COP1: variants seen among roughly 807,000 people sequenced by gnomAD.
The protein encoded by COP1 is COP1 E3 ubiquitin ligase.
Under a neutral mutation model 101.3 loss-of-function variants are expected in COP1, and 24 were observed. That is an observed-to-expected ratio of 0.24 (90% CI 0.17 to 0.33). COP1 has a LOEUF of 0.33. COP1 is among the 10% of genes least tolerant of loss of function. The probability of loss-of-function intolerance (pLI) is 1.00; values close to 1 mark genes in which losing one functional copy is unlikely to be tolerated. For missense variants in COP1, 663 were observed against 906.2 expected, an observed-to-expected ratio of 0.73 and a Z score of 3.45; for synonymous variants, 347 against 341.9, an observed-to-expected ratio of 1.01 and a Z score of -0.17.
intron 10 of COP1, among the ~76,000 whole-genome samples, chr1:176,084,736 C>T (rs1357588302): frequency 2.0e-5 from 3 of 152,228 alleles, no homozygotes; most frequent in Admixed American, 6.5e-5. Context: ...TACCACTAAT[C>T]GTGAGGCAAA....
chr1:176,103,108 C>T (rs1683686296), intron 9 of COP1, among the ~76,000 whole-genome samples: 1 of 152,214 alleles, frequency 6.6e-6, no homozygotes, highest in African/African-American at 2.4e-5. Context: ...TCTGTCTAGG[C>T]AGTGGGGGAA....
intron 5 of COP1, among the ~76,000 whole-genome samples, chr1:176,151,353 A>AAAAGAAAGAAAG (rs200187869): frequency 0.014 from 1,640 of 116,042 alleles, 19 homozygotes; most frequent in Non-Finnish European, 0.017. Context: ...GAAAGAAAGA[A>AAAAGAAAGAAAG]AAAGAAAGAA....
chr1:176,166,347 G>A (rs529452651), intron 3 of COP1, among the ~76,000 whole-genome samples: 1 of 152,252 alleles, frequency 6.6e-6, no homozygotes, highest in South Asian at 2.1e-4. Flanking sequence ...GGCTGATCTT[G>A]AACTCTTGGC....
intron 18 of COP1, among the ~76,000 whole-genome samples, chr1:175,978,036 T>C (rs1047737479): frequency 6.6e-6 from 1 of 152,114 alleles, no homozygotes; most frequent in Non-Finnish European, 1.5e-5. Context: ...TTTGGATACT[T>C]TTTAGCATGG....
intron 9 of COP1, among the ~76,000 whole-genome samples, chr1:176,099,613 G>A (rs1012634441): frequency 6.6e-6 from 1 of 151,960 alleles, no homozygotes; most frequent in Non-Finnish European, 1.5e-5. Flanking sequence ...GTTTACATCA[G>A]TGCAATAAGA....
chr1:175,995,011 C>G (rs906792871), intron 15 of COP1, among the ~76,000 whole-genome samples: 1 of 152,150 alleles, frequency 6.6e-6, no homozygotes, highest in Non-Finnish European at 1.5e-5. Flanking sequence ...CTCTCCTCAG[C>G]AAATGCAAAA....
intron 18 of COP1, among the ~76,000 whole-genome samples, chr1:175,970,595 T>A (rs1417540738): frequency 6.6e-6 from 1 of 152,164 alleles, no homozygotes; most frequent in Non-Finnish European, 1.5e-5. Context: ...AAAGGCTAAT[T>A]TTCTAAATAC....
chr1:176,089,634 G>GCTTA (rs1680918901), intron 9 of COP1, among the ~76,000 whole-genome samples: 1 of 152,150 alleles, frequency 6.6e-6, no homozygotes, highest in Admixed American at 6.5e-5. Context: ...GAGGAGGTAA[G>GCTTA]AGTCATATTT....
At chr1:176,056,511 CGTGT>C (rs751446292) in intron 11 of COP1, among the ~76,000 whole-genome samples, 2 of 150,308 alleles carry the variant, frequency 1.3e-5, no homozygotes, top group Admixed American at 6.6e-5. Context: ...TATAATGGGG[CGTGT>C]GTGTGTGTGT....
At chr1:176,042,830 A>G (rs1670860934) in intron 14 of COP1, among the ~76,000 whole-genome samples, 1 of 151,338 alleles carries the variant, frequency 6.6e-6, no homozygotes, top group Non-Finnish European at 1.5e-5. Flanking sequence ...GGAGTTTGAT[A>G]CCAGTCTGGC....
chr1:176,091,828 G>A (rs1681383007), intron 9 of COP1, among the ~76,000 whole-genome samples: 1 of 151,888 alleles, frequency 6.6e-6, no homozygotes, highest in South Asian at 2.1e-4. Context: ...AAATGTAAAT[G>A]GAAACAATCA....
chr1:176,196,333 A>C (rs1699692551), intron 1 of COP1, among the ~76,000 whole-genome samples: 1 of 152,158 alleles, frequency 6.6e-6, no homozygotes, highest in Non-Finnish European at 1.5e-5. Context: ...ATTTGAAAAG[A>C]CTAAAAAAAA....
chr1:176,007,932 C>T (rs936782667), intron 15 of COP1, among the ~76,000 whole-genome samples: 14 of 152,306 alleles, frequency 9.2e-5, no homozygotes, highest in African/African-American at 3.4e-4. Context: ...GGCGGGCGCC[C>T]CTCCCCCAGC....
At chr1:176,042,247 G>A (rs1167861501) in intron 14 of COP1, among the ~76,000 whole-genome samples, 1 of 145,342 alleles carries the variant, frequency 6.9e-6, no homozygotes, top group Non-Finnish European at 1.5e-5. Flanking sequence ...CTCCAGCCTG[G>A]GCGACACAGC....
At chr1:176,033,307 A>ACC (rs1036239865) in intron 14 of COP1, among the ~76,000 whole-genome samples, 2 of 152,020 alleles carry the variant, frequency 1.3e-5, no homozygotes, top group African/African-American at 4.8e-5. Flanking sequence ...CATGCCTGTA[A>ACC]CCCCAGCTAC....
chr1:176,057,534 G>A lies in COP1; in HGVS notation c.1278-11210C>T, dbSNP rs886299126. Among the ~76,000 whole-genome samples the A allele has an allele frequency of 5.3e-5, 8 of 151,958 alleles. No homozygotes were observed. The East Asian group carries it at 1.2e-3, about 22-fold the overall frequency. ...ATTTTTTTGGTGGAGACGGGGTTTC[G>A]CTGTGTTGGCCGGGCTGGTCTCCAG... On this transcript the variant is annotated intron_variant, in intron 11 of 19. Coordinates refer to ENST00000367669, the MANE Select transcript of COP1 (RefSeq NM_022457.7).
At chr1:176,073,555 T>C (rs1389405716) in intron 11 of COP1, among the ~76,000 whole-genome samples, 1 of 152,178 alleles carries the variant, frequency 6.6e-6, no homozygotes, top group African/African-American at 2.4e-5. Flanking sequence ...AAATGCAAAA[T>C]ATGCTATTAT....
intron 11 of COP1, among the ~76,000 whole-genome samples, chr1:176,077,405 T>C (rs567279251): frequency 1.1e-4 from 16 of 152,222 alleles, no homozygotes; most frequent in African/African-American, 3.9e-4. Flanking sequence ...AAAAAACATA[T>C]GATCATCTCA....
In COP1 at chr1:176,083,182, T is replaced by A. The variant is rs113409376; in HGVS notation, c.1142-1895A>T. ...TTATATGGAATCCTATTACTGTGAG[T>A]TATTTAACATTCTACATACTGGAAA... On this transcript the variant is annotated intron_variant, in intron 10 of 19. Coordinates refer to ENST00000367669, the MANE Select transcript of COP1 (RefSeq NM_022457.7). Among the ~76,000 whole-genome samples the A allele has an allele frequency of 5.3e-3, 804 of 152,296 alleles. 7 individuals carry two copies. The highest frequency in any genetic ancestry group is 0.018 in the African/African-American group (742 of 41,568).
Sources: gnomAD v4.1 joint callset for allele counts (sites outside exome capture counted in the v4.1 genomes callset) on GRCh38, gnomAD v4.1.1 for gene constraint, MANE v1.5 for transcripts, NCBI Gene and HGNC (gene_info 2026-07-23, HGNC 2026-07-21) for gene names.